HLA-DQA2: variants seen among roughly 807,000 people sequenced by gnomAD.
HLA-DQA2 encodes HLA class II histocompatibility antigen, DQ alpha 2 chain.
A neutral mutation model predicts 21.0 loss-of-function variants in HLA-DQA2; 17 were observed. That is an observed-to-expected ratio of 0.81 (90% CI 0.56 to 1.22). The LOEUF (loss-of-function observed/expected upper bound fraction) is 1.22. Ranked by LOEUF, HLA-DQA2 falls within the 50% of genes most tolerant of loss-of-function variation. HLA-DQA2 has a pLI of 0.00. For missense variants in HLA-DQA2, 239 were observed against 308.8 expected (o/e 0.77, Z 1.69); for synonymous variants, 81 against 116.5 (o/e 0.70, Z 1.96).
Position 32,746,223 on chromosome 6 carries a change from C to T in HLA-DQA2, c.614-17C>T. ...AGCACACTGCACATTCTGACCTCAA[C>T]AGCTCCACTTTCACAGAGCCTGAGA... On this transcript the variant is annotated splice_polypyrimidine_tract_variant and intron_variant, in intron 3 of 4. Coordinates refer to ENST00000374940, the MANE Select transcript of HLA-DQA2 (RefSeq NM_020056.5). 6.2e-7 allele frequency: 1 copy of T among 1,612,956 alleles called. No homozygotes were observed. Among genetic ancestry groups the T allele is most frequent in the South Asian group, 1.1e-5 (1 of 91,080 alleles).
intron 1 of HLA-DQA2, 110 bp downstream of exon 1, chr6:32,741,635 A>C: frequency 9.6e-7 from 1 of 1,041,312 alleles, no homozygotes; most frequent in South Asian, 1.4e-5. Context: ...GGGTCTTTTC[A>C]ATATTAAGAA....
At chr6:32,744,270 G>T (rs1328603078) in intron 1 of HLA-DQA2, among the ~76,000 whole-genome samples, 2 of 147,664 alleles carry the variant, frequency 1.4e-5, no homozygotes, top group South Asian at 2.2e-4. Flanking sequence ...GTCCAGTTCG[G>T]CTCATTTGGC....
At position 32,741,466 on chromosome 6, in the gene HLA-DQA2, T is replaced by G; in HGVS notation, c.23T>G (p.Leu8Arg). Residue 8 changes from leucine to arginine, a missense_variant, in exon 1 of 5, where the codon CTG becomes CGG. Leu to Arg is a moderately radical substitution (Grantham distance 102, BLOSUM62 -2). Transcript: ENST00000374940. ...AAGATGATCCTAAACAAAGCTCTGC[T>G]GCTGGGGGCCCTCGCCCTGACTGCC... MILNKAL[L>R]LGALALTAVM... is the part of the protein sequence containing the mutation. 1 of 1,614,046 alleles carries G rather than the reference T, an allele frequency of 6.2e-7. No homozygotes were observed. The highest frequency in any genetic ancestry group is 8.5e-7 in the Non-Finnish European group (1 of 1,180,006).
chr6:32,746,461 G>A lies in HLA-DQA2; in HGVS notation c.*20+47G>A, dbSNP rs1373598125. The A allele has an allele frequency of 1.0e-5, 16 of 1,605,008 alleles. No homozygotes were observed. The South Asian group carries it at 1.5e-4, about 15-fold the overall frequency. On this transcript the variant is annotated intron_variant, in intron 4 of 4. Coordinates refer to ENST00000374940, the MANE Select transcript of HLA-DQA2 (RefSeq NM_020056.5). ...GCTGAAACCTCAGTATGAGAGGGAG[G>A]AAAGTGGGAGGGGGTTGTGGACATG...
At position 32,745,988 on chromosome 6, in the gene HLA-DQA2, C is replaced by G. The variant is rs888641135; in HGVS notation, c.529C>G (p.Leu177Val). Reference protein sequence around the residue: ...SDHSFFKISYLTFLPSADEIY... With the variant: ...SDHSFFKISYVTFLPSADEIY... Reference sequence around the variant, plus strand: ...TCATTCCTTCTTCAAGATCAGTTACCTCACCTTCCTCCCTTCTGCTGATGA... The same window carrying G: ...TCATTCCTTCTTCAAGATCAGTTACGTCACCTTCCTCCCTTCTGCTGATGA... Residue 177 changes from leucine (L) to valine (V), a missense_variant, in exon 3 of 5, where the codon CTC (leucine) becomes GTC (valine). Physicochemically the swap from Leu to Val is conservative, Grantham distance 32 (BLOSUM62 1). Coordinates refer to ENST00000374940, the MANE Select transcript of HLA-DQA2 (RefSeq NM_020056.5). 5 of 1,612,958 alleles carry G rather than the reference C, an allele frequency of 3.1e-6. No homozygotes were observed. In the Admixed American group the frequency reaches 5.0e-5, roughly 16 times the overall value.
chr6:32,746,670 C>T lies in HLA-DQA2; in HGVS notation c.*109C>T. Reference sequence around the variant, plus strand: ...CCTGATTTATCATATCCCTTTTCTCCTCCAAATGTTTCTTCTCTCACCTCT... The same window carrying T: ...CCTGATTTATCATATCCCTTTTCTCTTCCAAATGTTTCTTCTCTCACCTCT... On this transcript the variant is annotated 3_prime_UTR_variant, in exon 5 of 5. Transcript: ENST00000374940. 1.5e-6 allele frequency: 1 copy of T among 678,230 alleles called. No homozygotes were observed. The highest frequency in any genetic ancestry group is 1.5e-5 in the South Asian group (1 of 66,566). 42.0% of individuals were successfully genotyped at this position (678,230 alleles called of 1,614,324 possible).
rs142153577 is a variant in HLA-DQA2, at chr6:32,745,945, C to T, written c.486C>T (p.Ser162=). ...HSVTEGVSET[S]FLSKSDHSFF... The stretch of plus-strand genomic sequence containing the variant: ...TCACAGAAGGTGTTTCTGAGACCAG[C>T]TTCCTCTCCAAGAGTGATCATTCCT... The change falls in exon 3 of 5, where the codon AGC becomes AGT. Residue 162 remains serine (S), a synonymous_variant. Transcript: ENST00000374940. 5.0e-6 allele frequency: 8 copies of T among 1,613,042 alleles called. No homozygotes were observed. The African/African-American group carries it at 8.0e-5, about 16-fold the overall frequency.
At position 32,747,064 on chromosome 6, in the gene HLA-DQA2, A is replaced by T. The variant is rs182907257; in HGVS notation, c.*503A>T. Reference sequence around the variant, plus strand: ...TATCCTGATAATTTGTTGATTTCTTAACTGGTGTTAATATTTCTTTCTTCC... The same window carrying T: ...TATCCTGATAATTTGTTGATTTCTTTACTGGTGTTAATATTTCTTTCTTCC... On this transcript the variant is annotated 3_prime_UTR_variant, in exon 5 of 5. Coordinates refer to ENST00000374940, the MANE Select transcript of HLA-DQA2 (RefSeq NM_020056.5). The T allele has an allele frequency of 5.6e-6, 1 of 179,188 alleles. No individual in the cohort carries two copies. The highest frequency in any genetic ancestry group is 2.4e-5 in the African/African-American group (1 of 42,066). 11.1% of individuals were successfully genotyped at this position (179,188 alleles called of 1,614,324 possible). A position where few individuals can be genotyped will look rare whatever the true frequency, so the allele number is the denominator to read the frequency against.
At chr6:32,743,010 C>T (rs1242368797) in intron 1 of HLA-DQA2, among the ~76,000 whole-genome samples, 1 of 142,682 alleles carries the variant, frequency 7.0e-6, no homozygotes, top group East Asian at 2.1e-4. Flanking sequence ...GGACTACAGG[C>T]GCCCGCCACT....
Position 32,746,867 on chromosome 6 carries a change from T to C in HLA-DQA2, c.*306T>C. 5.8e-6 allele frequency: 2 copies of C among 343,938 alleles called. No individual in the cohort carries two copies. The highest frequency in any genetic ancestry group is 4.8e-5 in the South Asian group (2 of 41,378). 21.3% of individuals were successfully genotyped at this position (343,938 alleles called of 1,614,324 possible). ...CAATGACCTTTATCTAAAATCTCCA[T>C]GGAAGCAATAAATTCCCTTTTGATG... On this transcript the variant is annotated 3_prime_UTR_variant, in exon 5 of 5. Coordinates refer to ENST00000374940, the MANE Select transcript of HLA-DQA2 (RefSeq NM_020056.5).
In HLA-DQA2 at chr6:32,745,342, T is replaced by A; in HGVS notation, c.266T>A (p.Met89Lys). ...SFDPQSALRN[M>K]AVGKHTLEFM... is the part of the protein sequence containing the mutation. ...GACCCGCAGAGTGCACTGAGAAATA[T>A]GGCTGTGGGAAAACACACCTTGGAA... The change falls in exon 2 of 5, where the codon ATG (methionine) becomes AAG (lysine). Residue 89 changes from methionine to lysine, a missense_variant. Met to Lys is a moderately conservative substitution (Grantham distance 95, BLOSUM62 -1). Transcript: ENST00000374940. The A allele has an allele frequency of 1.3e-6, 2 of 1,582,688 alleles. No homozygotes were observed. Among genetic ancestry groups the A allele is most frequent in the Non-Finnish European group, 1.7e-6 (2 of 1,162,700 alleles).
At chr6:32,744,470 T>A (rs9276431) in intron 1 of HLA-DQA2, among the ~76,000 whole-genome samples, 5 of 149,420 alleles carry the variant, frequency 3.3e-5, no homozygotes, top group South Asian at 2.1e-4. Context: ...AAAAACCAGT[T>A]GAGCTTCCAC....
intron 2 of HLA-DQA2, 132 bp from the exon 3 acceptor site, chr6:32,745,659 A>AATGTGTC: frequency 8.5e-7 from 1 of 1,170,440 alleles, no homozygotes; most frequent in Non-Finnish European, 1.2e-6. Context: ...GTTGCTCCCA[A>AATGTGTC]GCAGAAGGTA....
intron 1 of HLA-DQA2, among the ~76,000 whole-genome samples, chr6:32,741,961 A>G (rs9276403): frequency 0.13 from 19,848 of 152,254 alleles, 1,462 homozygotes; most frequent in South Asian, 0.18. Flanking sequence ...TGTACACTCT[A>G]TAGATATAAA....
At chr6:32,744,124 C>G (rs73400748) in intron 1 of HLA-DQA2, among the ~76,000 whole-genome samples, 8,633 of 152,216 alleles carry the variant, frequency 0.057, 710 homozygotes, top group African/African-American at 0.18. Flanking sequence ...ACCTGATTCT[C>G]CCACTATTCA....
Position 32,746,774 on chromosome 6 carries a change from T to A in HLA-DQA2, c.*213T>A. 1 of 431,500 alleles carries A rather than the reference T, an allele frequency of 2.3e-6. No individual in the cohort carries two copies. The highest frequency in any genetic ancestry group is 1.9e-5 in the South Asian group (1 of 54,038). 26.7% of individuals were successfully genotyped at this position (431,500 alleles called of 1,614,324 possible). ...TCTTTCCCTGACCTCCTTTCCTGAATTTTTTTATTTTCTCAAATGTTACCT... is the reference window on the plus strand; with the variant it reads ...TCTTTCCCTGACCTCCTTTCCTGAAATTTTTTATTTTCTCAAATGTTACCT... On this transcript the variant is annotated 3_prime_UTR_variant, in exon 5 of 5. Coordinates refer to ENST00000374940, the MANE Select transcript of HLA-DQA2 (RefSeq NM_020056.5).
At position 32,745,806 on chromosome 6, in the gene HLA-DQA2, C is replaced by T. The variant is rs780557148; in HGVS notation, c.347C>T (p.Thr116Ile). 1.2e-6 allele frequency: 2 copies of T among 1,613,124 alleles called. No individual in the cohort carries two copies. Among genetic ancestry groups the T allele is most frequent in the East Asian group, 2.2e-5 (1 of 44,882 alleles). ...TAATNEVPEV[T>I]VFSKFPVTLG... ...CTCACCACAGAGGTTCCTGAGGTCA[C>T]AGTGTTTTCCAAGTTTCCTGTGACG... Residue 116 changes from threonine (T) to isoleucine (I), a missense_variant, in exon 3 of 5, where the codon ACA becomes ATA. Physicochemically the swap from Thr to Ile is moderately conservative, Grantham distance 89. Coordinates refer to ENST00000374940, the MANE Select transcript of HLA-DQA2 (RefSeq NM_020056.5).
rs371762156 is a variant in HLA-DQA2 at position 32,741,534 on chromosome 6, A to C, written c.82+9A>C. ...AGGTGAAGACATTGTGGGTGAGTAC[A>C]TGAGTGAGGAATGTTCTCTGGAGCT... On this transcript the variant is annotated intron_variant, in intron 1 of 4. Transcript: ENST00000374940. 7.2e-5 allele frequency: 111 copies of C among 1,537,706 alleles called. No individual in the cohort carries two copies. The highest frequency in any genetic ancestry group is 9.4e-5 in the Non-Finnish European group (105 of 1,116,844).
rs767311198 is a variant in HLA-DQA2, at chr6:32,741,501, C to T, written c.58C>T (p.Pro20Ser). Reference sequence around the variant, plus strand: ...CCTCGCCCTGACTGCCGTGATGAGCCCCTGTGGAGGTGAAGACATTGTGGG... The same window carrying T: ...CCTCGCCCTGACTGCCGTGATGAGCTCCTGTGGAGGTGAAGACATTGTGGG... ...GALALTAVMSPCGGEDIVADH... is the reference protein window; with the variant it reads ...GALALTAVMSSCGGEDIVADH... Residue 20 changes from proline (P) to serine (S), a missense_variant, in exon 1 of 5, where the codon CCC becomes TCC. Transcript: ENST00000374940. 7.4e-6 allele frequency: 12 copies of T among 1,614,058 alleles called. No homozygotes were observed. Among genetic ancestry groups the T allele is most frequent in the Non-Finnish European group, 1.0e-5 (12 of 1,179,996 alleles).
Sources: gnomAD v4.1 joint callset for allele counts (sites outside exome capture counted in the v4.1 genomes callset) on GRCh38, gnomAD v4.1.1 for gene constraint, MANE v1.5 for transcripts, NCBI Gene and HGNC (gene_info 2026-07-23, HGNC 2026-07-21) for gene names.